The following ZC3H4 variants were observed in gnomAD, a reference collection of about 807,000 sequenced individuals.
ZC3H4 encodes the protein zinc finger CCCH domain-containing protein 4.
Under a neutral mutation model 108.3 loss-of-function variants are expected in ZC3H4, and 13 were observed. The ratio of observed to expected loss-of-function variants is 0.12; its 90% CI spans 0.08 to 0.19. The LOEUF (loss-of-function observed/expected upper bound fraction) is 0.19. Among genes scored for constraint, ZC3H4 ranks in the 10% least tolerant of loss-of-function variants. The probability of loss-of-function intolerance (pLI) is 1.00; values close to 1 mark genes in which losing one functional copy is unlikely to be tolerated. For synonymous variants in ZC3H4, 917 were observed against 749.6 expected (o/e 1.22, Z -3.65); for missense variants, 1,734 against 1,838.8 (o/e 0.94, Z 1.04).
rs759176277 is a variant in ZC3H4, at chr19:47,067,524, G to C, written c.2744C>G (p.Ser915Cys). Residue 915 changes from serine (S) to cysteine (C), a missense_variant, in exon 15 of 15, where the codon TCC becomes TGC. Transcript: ENST00000253048. The surrounding 1 kb of genome is among the most constrained non-coding windows in gnomAD (Gnocchi z 6.4). ...CGTTGGGGGCGGCCCAGACCCCTTG[G>C]AACTGCTGGGGCCCACAGGGCTGGA... ...LHSSPVGPSSSKGSGPPPTEE... is the reference protein window; with the variant it reads ...LHSSPVGPSSCKGSGPPPTEE... The C allele has an allele frequency of 3.8e-6, 6 of 1,595,392 alleles. No homozygotes were observed. In the Admixed American group the frequency reaches 6.9e-5, roughly 18 times the overall value.
intron 4 of ZC3H4, among the ~76,000 whole-genome samples, chr19:47,093,408 C>T (rs1181316535): frequency 6.6e-6 from 1 of 152,006 alleles, no homozygotes; most frequent in Non-Finnish European, 1.5e-5. Flanking sequence ...CCAAAAAGGT[C>T]ATTTGTGAAC....
chr19:47,086,686 G>A, intron 5 of ZC3H4, 148 bp from the exon 6 acceptor site: 9 of 1,410,760 alleles, frequency 6.4e-6, no homozygotes, highest in Non-Finnish European at 7.4e-6. Flanking sequence ...AGCCTTCCTA[G>A]ATGCCCCAGG....
chr19:47,072,082 AGGGCCCATT>A lies in ZC3H4; in HGVS notation c.1833_1841del (p.Met612_Pro614del), dbSNP rs920738918. 1 of 1,567,640 alleles carries A rather than the reference AGGGCCCATT, an allele frequency of 6.4e-7. No homozygotes were observed. Among genetic ancestry groups the A allele is most frequent in the Non-Finnish European group, 8.6e-7 (1 of 1,159,280 alleles). On this transcript the variant is annotated inframe_deletion, in exon 13 of 15. Transcript: ENST00000253048. The surrounding 1 kb of genome is among the most constrained non-coding windows in gnomAD (Gnocchi z 5.6). The stretch of plus-strand genomic sequence containing the variant: ...GCCCTGGGGGTCCCATGTTGGGCCC[AGGGCCCATT>A]GGCCCTGGGGGTCCACCGGGTCCAG...
chr19:47,069,317 G>A lies in ZC3H4; in HGVS notation c.2173C>T (p.Pro725Ser). The A allele has an allele frequency of 6.2e-7, 1 of 1,613,444 alleles. No homozygotes were observed. The highest frequency in any genetic ancestry group is 1.1e-5 in the South Asian group (1 of 90,978). The change falls in exon 14 of 15, where the codon CCA becomes TCA. Residue 725 changes from proline (P) to serine (S), a missense_variant. This residue lies in a region of ZC3H4 where 540 missense variants were observed against 484.1 expected (regional missense o/e 1.12). Transcript: ENST00000253048. ...AEDYGHYEEL[P>S]GEPGEHLFPE... ...AAGAGGTGCTCCCCAGGCTCCCCTG[G>A]CAGCTCTTCGTAGTGCCCGTAGTCC...
At chr19:47,095,501 T>G (rs1410433000) in intron 2 of ZC3H4, among the ~76,000 whole-genome samples, 2 of 152,154 alleles carry the variant, frequency 1.3e-5, no homozygotes, top group African/African-American at 4.8e-5. Flanking sequence ...CACCTCCAGA[T>G]AGTGGAACCC....
chr19:47,098,668 G>T (rs1470163377), intron 2 of ZC3H4, among the ~76,000 whole-genome samples: 1 of 152,168 alleles, frequency 6.6e-6, no homozygotes, highest in Non-Finnish European at 1.5e-5. Flanking sequence ...GGAGGCTGAG[G>T]TAGGAGAATC....
chr19:47,100,737 CG>C (rs1385875338), intron 2 of ZC3H4, among the ~76,000 whole-genome samples: 1 of 152,004 alleles, frequency 6.6e-6, no homozygotes, highest in African/African-American at 2.4e-5. Flanking sequence ...CTTACTCTGT[CG>C]CCCAGGCTGG....
Position 47,067,504 on chromosome 19 carries a change from G to A in ZC3H4, c.2764C>T (p.Pro922Ser). 6.3e-7 allele frequency: 1 copy of A among 1,586,584 alleles called. No individual in the cohort carries two copies. Among genetic ancestry groups the A allele is most frequent in the Non-Finnish European group, 8.6e-7 (1 of 1,165,128 alleles). ...PSSSKGSGPP[P>S]TEEEEGERAL... ...CGCTCCCCTTCCTCCTCCTCCGTTG[G>A]GGGCGGCCCAGACCCCTTGGAACTG... The change falls in exon 15 of 15, where the codon CCA becomes TCA. Residue 922 changes from proline to serine, a missense_variant. Transcript: ENST00000253048. The surrounding 1 kb of genome is among the most constrained non-coding windows in gnomAD (Gnocchi z 6.4).
rs770356267 is a variant in ZC3H4, at chr19:47,066,633, G to A, written c.3635C>T (p.Thr1212Met). 79 of 1,611,768 alleles carry A rather than the reference G, an allele frequency of 4.9e-5. No homozygotes were observed. In the Middle Eastern group the frequency reaches 1.2e-3, roughly 24 times the overall value. The part of the protein sequence containing the change: ...GKAGADGGTP[T>M]DRYNSYNRPR... ...CCGGTTGTAGCTGTTGTATCTGTCCGTGGGGGTGCCCCCATCAGCACCGGC... is the reference window on the plus strand; with the variant it reads ...CCGGTTGTAGCTGTTGTATCTGTCCATGGGGGTGCCCCCATCAGCACCGGC... Residue 1212 changes from threonine to methionine, a missense_variant, in exon 15 of 15, where the codon ACG becomes ATG. Thr to Met is a moderately conservative substitution (Grantham distance 81). Coordinates refer to ENST00000253048, the MANE Select transcript of ZC3H4 (RefSeq NM_015168.2).
In ZC3H4 at chr19:47,072,827, G is replaced by T; in HGVS notation, c.1441-114C>A. On this transcript the variant is annotated intron_variant, in intron 11 of 14. Coordinates refer to ENST00000253048, the MANE Select transcript of ZC3H4 (RefSeq NM_015168.2). This position sits in a 1 kb window ranked among gnomAD's most constrained non-coding sequence, Gnocchi z 5.6. Reference sequence around the variant, plus strand: ...AAAGTCCATAATACAAGGACCTTGAGATCTAAAGGCATAAAGACCACAATG... The same window carrying T: ...AAAGTCCATAATACAAGGACCTTGATATCTAAAGGCATAAAGACCACAATG... The T allele has an allele frequency of 1.6e-6, 2 of 1,243,662 alleles. No homozygotes were observed. Among genetic ancestry groups the T allele is most frequent in the Non-Finnish European group, 2.2e-6 (2 of 903,230 alleles). 77.0% of individuals were successfully genotyped at this position (1,243,662 alleles called of 1,614,324 possible). A position where few individuals can be genotyped will look rare whatever the true frequency, so the allele number is the denominator to read the frequency against.
In ZC3H4 at chr19:47,073,365, T is replaced by C. The variant is rs566959915; in HGVS notation, c.1441-652A>G. ...TGGGCAGATCACCTGAGGTCAGGAG[T>C]TTGAGGCCAGCCTGGCCAACATGGT... On this transcript the variant is annotated intron_variant, in intron 11 of 14. Coordinates refer to ENST00000253048, the MANE Select transcript of ZC3H4 (RefSeq NM_015168.2). 8.6e-4 allele frequency among the ~76,000 whole-genome samples: 131 copies of C among 151,680 alleles called. 1 individual carries two copies. The highest frequency in any genetic ancestry group is 3.1e-3 in the African/African-American group (126 of 41,308).
At chr19:47,090,751 T>C (rs1411060056) in intron 4 of ZC3H4, among the ~76,000 whole-genome samples, 1 of 152,178 alleles carries the variant, frequency 6.6e-6, no homozygotes, top group Non-Finnish European at 1.5e-5. Flanking sequence ...TAACGACGAA[T>C]ATGTAACAAT....
chr19:47,099,846 G>C (rs80051165), intron 2 of ZC3H4, among the ~76,000 whole-genome samples: 1 of 145,376 alleles, frequency 6.9e-6, no homozygotes, highest in Admixed American at 6.8e-5. Context: ...AAAAAAAAAG[G>C]CAAAGTACAA....
intron 2 of ZC3H4, among the ~76,000 whole-genome samples, chr19:47,111,543 C>T (rs73943629): frequency 0.027 from 4,051 of 152,204 alleles, 151 homozygotes; most frequent in African/African-American, 0.084. Context: ...CCAAACCTTA[C>T]CCCCGCAAAA....
At chr19:47,077,711 G>A (rs962976815) in intron 11 of ZC3H4, among the ~76,000 whole-genome samples, 1 of 151,644 alleles carries the variant, frequency 6.6e-6, no homozygotes. Context: ...CAAAAAATGA[G>A]CCGGGCGTGA....
Position 47,085,183 on chromosome 19 carries a change from C to A in ZC3H4, c.980G>T (p.Gly327Val). The change falls in exon 8 of 15, where the codon GGC becomes GTC. Residue 327 changes from glycine to valine, a missense_variant. By Grantham distance (109) the Gly-to-Val change is moderately radical. Coordinates refer to ENST00000253048, the MANE Select transcript of ZC3H4 (RefSeq NM_015168.2). ...KDSRGRGLSR[G>V]RGRGSRGRGK... is the part of the protein sequence containing the mutation. ...TCGACCTCGGGAGCCCCTGCCACGG[C>A]CTCGACTTAGCCCTGTGGAGGGGAG... 6.2e-7 allele frequency: 1 copy of A among 1,613,636 alleles called. No individual in the cohort carries two copies. The highest frequency in any genetic ancestry group is 8.5e-7 in the Non-Finnish European group (1 of 1,179,914).
At chr19:47,100,894 C>T (rs892620002) in intron 2 of ZC3H4, among the ~76,000 whole-genome samples, 16 of 151,958 alleles carry the variant, frequency 1.1e-4, no homozygotes, top group African/African-American at 3.4e-4. Flanking sequence ...AACAGGGTTT[C>T]GCCATGTTGG....
intron 4 of ZC3H4, chr19:47,093,633 C>T: frequency 5.5e-6 from 1 of 181,256 alleles, no homozygotes; most frequent in Non-Finnish European, 1.2e-5. Flanking sequence ...CTGTCTGTCA[C>T]CCAGGCTAGA....
intron 5 of ZC3H4, among the ~76,000 whole-genome samples, chr19:47,087,663 G>A (rs532498456): frequency 3.3e-5 from 5 of 152,012 alleles, no homozygotes; most frequent in South Asian, 2.1e-4. Context: ...TGGATTGCCC[G>A]AGCTCAGGAG....
Sources: allele counts gnomAD v4.1 joint callset (sites outside exome capture counted in the v4.1 genomes callset), GRCh38; gene constraint gnomAD v4.1.1; regional missense constraint gnomAD v4.1.1; non-coding constraint Gnocchi (gnomAD v3.1); transcripts MANE v1.5; gene names NCBI Gene and HGNC (gene_info 2026-07-23, HGNC 2026-07-21).